FGD5: variants seen among roughly 807,000 people sequenced by gnomAD.
FGD5 encodes FYVE, RhoGEF and PH domain containing 5.
In FGD5, 28 loss-of-function variants were observed where a neutral mutation model predicts 133.4. The observed-to-expected ratio is 0.21, with a 90% CI of 0.16 to 0.29. The LOEUF (loss-of-function observed/expected upper bound fraction) is 0.29. Among genes scored for constraint, FGD5 ranks in the 10% least tolerant of loss-of-function variants. The probability of loss-of-function intolerance (pLI) is 1.00; values close to 1 mark genes in which losing one functional copy is unlikely to be tolerated. For synonymous variants in FGD5, 810 were observed against 776.5 expected (o/e 1.04, Z -0.72); for missense variants, 1,858 against 1,895.2 (o/e 0.98, Z 0.36).
intron 13 of FGD5, chr3:14,921,372 G>C (rs948459948): frequency 4.4e-5 from 7 of 158,260 alleles, no homozygotes; most frequent in Non-Finnish European, 7.0e-5. Flanking sequence ...CTGGCACCCA[G>C]CCCAGGCGTA....
intron 1 of FGD5, among the ~76,000 whole-genome samples, chr3:14,841,321 G>A (rs1424778392): frequency 1.3e-5 from 2 of 152,182 alleles, no homozygotes; most frequent in African/African-American, 2.4e-5. Context: ...TGGAGTTACC[G>A]TCTTAAAGTG....
In FGD5 at chr3:14,917,108, G is replaced by T; in HGVS notation, c.3406-141G>T. ...CAAGGAAGGGGCTCACATTTTGGCC[G>T]CAACGTTTTTGCTCACCTGTGGGGG... On this transcript the variant is annotated intron_variant, in intron 11 of 19. Coordinates refer to ENST00000285046, the MANE Select transcript of FGD5 (RefSeq NM_152536.4). The surrounding 1 kb of genome is among the most constrained non-coding windows in gnomAD (Gnocchi z 4.1). 1 of 616,742 alleles carries T rather than the reference G, an allele frequency of 1.6e-6. No homozygotes were observed. The highest frequency in any genetic ancestry group is 2.5e-5 in the South Asian group (1 of 39,412). 38.2% of individuals were successfully genotyped at this position (616,742 alleles called of 1,614,324 possible).
upstream of FGD5, among the ~76,000 whole-genome samples, chr3:14,818,210 C>T (rs577713886): frequency 3.9e-5 from 6 of 152,276 alleles, no homozygotes; most frequent in East Asian, 1.9e-4. Flanking sequence ...CATGTTGGCA[C>T]GTACTATATA....
At chr3:14,903,427 T>C (rs2038281241) in intron 9 of FGD5, among the ~76,000 whole-genome samples, 1 of 151,816 alleles carries the variant, frequency 6.6e-6, no homozygotes, top group Non-Finnish European at 1.5e-5. Context: ...TATGTATACA[T>C]GTGCCATGCT....
At chr3:14,882,712 A>C (rs2037850917) in intron 4 of FGD5, among the ~76,000 whole-genome samples, 1 of 151,864 alleles carries the variant, frequency 6.6e-6, no homozygotes, top group Non-Finnish European at 1.5e-5. Context: ...AAAAAAAAAA[A>C]AAGTCACCAC....
At position 14,854,357 on chromosome 3, in the gene FGD5, A is replaced by G. The variant is rs1223121472; in HGVS notation, c.2526-9771A>G. Among the ~76,000 whole-genome samples the G allele has an allele frequency of 2.0e-5, 3 of 151,882 alleles. No homozygotes were observed. In the East Asian group the frequency reaches 5.8e-4, roughly 29 times the overall value. Reference sequence around the variant, plus strand: ...AAAGATCCCATTCAGGGTACAACAGACCACTGGTCCTTTATTTTTTGTTTC... The same window carrying G: ...AAAGATCCCATTCAGGGTACAACAGGCCACTGGTCCTTTATTTTTTGTTTC... On this transcript the variant is annotated intron_variant, in intron 1 of 19. Coordinates refer to ENST00000285046, the MANE Select transcript of FGD5 (RefSeq NM_152536.4).
intron 1 of FGD5, among the ~76,000 whole-genome samples, chr3:14,828,271 G>A (rs1454286438): frequency 2.0e-5 from 3 of 152,114 alleles, no homozygotes; most frequent in Non-Finnish European, 2.9e-5. Context: ...GTCCAGAGGC[G>A]GGCAGGATGT....
At chr3:14,912,584 A>G (rs1368293782) in intron 11 of FGD5, among the ~76,000 whole-genome samples, 4 of 152,136 alleles carry the variant, frequency 2.6e-5, no homozygotes, top group Non-Finnish European at 5.9e-5. Context: ...TGGGGAGCTC[A>G]CTGCCTGCTG....
At chr3:14,818,431 C>G (rs1210321830), upstream of FGD5, among the ~76,000 whole-genome samples, 5 of 152,210 alleles carry the variant, frequency 3.3e-5, no homozygotes, top group Non-Finnish European at 5.9e-5. Flanking sequence ...GTTGTTGTAA[C>G]TCAACTGTGA....
chr3:14,865,252 C>T (rs2037472431), intron 2 of FGD5, among the ~76,000 whole-genome samples: 1 of 152,178 alleles, frequency 6.6e-6, no homozygotes, highest in Non-Finnish European at 1.5e-5. Context: ...CTCCATCATC[C>T]CTCCCCTTCC....
upstream of FGD5, among the ~76,000 whole-genome samples, chr3:14,814,370 C>T (rs1383625095): frequency 6.6e-6 from 1 of 152,192 alleles, no homozygotes; most frequent in Non-Finnish European, 1.5e-5. Context: ...TCCTCCTGTC[C>T]TTCAACTTGC....
chr3:14,835,130 A>G (rs2036790896), intron 1 of FGD5, among the ~76,000 whole-genome samples: 1 of 152,160 alleles, frequency 6.6e-6, no homozygotes, highest in Admixed American at 6.5e-5. Context: ...CGCCTTAGGA[A>G]ATGGCGAGCC....
intron 1 of FGD5, among the ~76,000 whole-genome samples, chr3:14,829,076 G>A (rs1392935990): frequency 6.6e-6 from 1 of 152,138 alleles, no homozygotes; most frequent in East Asian, 1.9e-4. Flanking sequence ...TTACAGGTGT[G>A]AGCCACTGCG....
At chr3:14,856,491 C>T (rs1395561871) in intron 1 of FGD5, among the ~76,000 whole-genome samples, 1 of 152,092 alleles carries the variant, frequency 6.6e-6, no homozygotes, top group Non-Finnish European at 1.5e-5. Context: ...AATAGTAATT[C>T]TTCTGATCCA....
chr3:14,856,453 T>G (rs1336239442), intron 1 of FGD5, among the ~76,000 whole-genome samples: 1 of 152,228 alleles, frequency 6.6e-6, no homozygotes, highest in Non-Finnish European at 1.5e-5. Context: ...ATCTGTAAAT[T>G]GCTTTGGGTA....
At chr3:14,876,629 A>G (rs2037724977) in intron 2 of FGD5, among the ~76,000 whole-genome samples, 2 of 152,362 alleles carry the variant, frequency 1.3e-5, no homozygotes, top group South Asian at 2.1e-4. Flanking sequence ...GTCTGGCTGA[A>G]CAGAAGGTAG....
rs773592779 is a variant in FGD5 at position 14,897,987 on chromosome 3, G to T, written c.2958G>T (p.Gly986=). The change falls in exon 6 of 20, where the codon GGG becomes GGT. Residue 986 remains glycine, a synonymous_variant. Coordinates refer to ENST00000285046, the MANE Select transcript of FGD5 (RefSeq NM_152536.4). ...VADVFLAREQ[G]FDHHATHILQ... ...ACGTCTTCCTGGCCCGGGAGCAGGG[G>T]TTTGATCACCACGCCACTCACATCC... The T allele has an allele frequency of 1.9e-6, 3 of 1,613,962 alleles. No homozygotes were observed. The highest frequency in any genetic ancestry group is 1.7e-6 in the Non-Finnish European group (2 of 1,179,876).
At chr3:14,823,350 G>C (rs971156683) in intron 1 of FGD5, among the ~76,000 whole-genome samples, 2 of 152,118 alleles carry the variant, frequency 1.3e-5, no homozygotes, top group Non-Finnish European at 2.9e-5. Context: ...TGCCTCATCG[G>C]GTGCTGGGTA....
intron 1 of FGD5, among the ~76,000 whole-genome samples, chr3:14,849,015 G>A (rs1376707857): frequency 6.6e-6 from 1 of 152,218 alleles, no homozygotes; most frequent in South Asian, 2.1e-4. Flanking sequence ...TGCTTCTTCT[G>A]TGTTTGGAGT....
Sources: allele counts gnomAD v4.1 joint callset (sites outside exome capture counted in the v4.1 genomes callset), GRCh38; gene constraint gnomAD v4.1.1; non-coding constraint Gnocchi (gnomAD v3.1); transcripts MANE v1.5; gene names NCBI Gene and HGNC (gene_info 2026-07-23, HGNC 2026-07-21).